FER: variants seen among roughly 807,000 people sequenced by gnomAD.
FER encodes FER tyrosine kinase.
A neutral mutation model predicts 111.0 loss-of-function variants in FER; 63 were observed. The observed-to-expected ratio is 0.57, with a 90% CI of 0.46 to 0.70. The LOEUF is 0.70. FER is among the 30% of genes least tolerant of loss of function. The pLI, the probability that FER is intolerant of heterozygous loss-of-function variation, is 0.00. For synonymous variants in FER, 327 were observed against 313.9 expected, an observed-to-expected ratio of 1.04 and a Z score of -0.44; for missense variants, 914 against 954.0, an observed-to-expected ratio of 0.96 and a Z score of 0.55.
chr5:108,769,629 A>G (rs1209392167), intron 2 of FER, among the ~76,000 whole-genome samples: 1 of 151,914 alleles, frequency 6.6e-6, no homozygotes, highest in Non-Finnish European at 1.5e-5. Flanking sequence ...TGAATTTGAG[A>G]TGCATTTTTG....
chr5:109,139,908 T>G lies in FER; in HGVS notation c.2048+39389T>G, dbSNP rs557376711. 2.0e-3 allele frequency among the ~76,000 whole-genome samples: 300 copies of G among 152,266 alleles called. 2 individuals carry two copies. Among genetic ancestry groups the G allele is most frequent in the African/African-American group, 6.5e-3 (272 of 41,556 alleles). ...TGGATTGCAATAAAAAAAAATAGAA[T>G]TAAACACAGTATACTGCTATCAATT... On this transcript the variant is annotated intron_variant, in intron 17 of 19. Coordinates refer to ENST00000281092, the MANE Select transcript of FER (RefSeq NM_005246.4).
At chr5:109,185,516 T>C (rs963018839) in intron 18 of FER, among the ~76,000 whole-genome samples, 1 of 152,216 alleles carries the variant, frequency 6.6e-6, no homozygotes, top group African/African-American at 2.4e-5. Flanking sequence ...GAATCCAACT[T>C]GGTTAATCTC....
chr5:109,162,312 T>C (rs942986169), intron 17 of FER, among the ~76,000 whole-genome samples: 3 of 152,170 alleles, frequency 2.0e-5, no homozygotes, highest in Non-Finnish European at 4.4e-5. Context: ...AAGACAGTCA[T>C]ATCATTATTT....
At position 108,855,185 on chromosome 5, in the gene FER, G is replaced by A. The variant is rs150271320; in HGVS notation, c.482-12582G>A. ...GTTCAGCAGTTCCAGGGAGAGGTCT[G>A]GAGTAGAACTATAAATATGAAATGT... On this transcript the variant is annotated intron_variant, in intron 5 of 19. Coordinates refer to ENST00000281092, the MANE Select transcript of FER (RefSeq NM_005246.4). Among the ~76,000 whole-genome samples, 1,159 of 152,168 alleles carry A rather than the reference G, an allele frequency of 7.6e-3. 16 individuals carry two copies. Among genetic ancestry groups the A allele is most frequent in the Middle Eastern group, 0.014 (4 of 294 alleles).
chr5:109,046,466 A>G (rs1019005583), intron 15 of FER, among the ~76,000 whole-genome samples: 1 of 152,182 alleles, frequency 6.6e-6, no homozygotes. Context: ...GGAGTTGTAC[A>G]TGTTTTAGAT....
chr5:108,947,489 A>C (rs937444272), intron 11 of FER, among the ~76,000 whole-genome samples: 1 of 152,032 alleles, frequency 6.6e-6, no homozygotes, highest in South Asian at 2.1e-4. Context: ...TTGGCAGCTT[A>C]TATGTGTTCT....
At chr5:108,901,848 G>A (rs1233279615) in intron 10 of FER, among the ~76,000 whole-genome samples, 1 of 152,156 alleles carries the variant, frequency 6.6e-6, no homozygotes, top group Non-Finnish European at 1.5e-5. Flanking sequence ...CCACTCAGGA[G>A]TTTGAGGTAA....
intron 17 of FER, among the ~76,000 whole-genome samples, chr5:109,145,913 G>A (rs146374425): frequency 0.012 from 1,805 of 150,584 alleles, 18 homozygotes; most frequent in Non-Finnish European, 0.02. Context: ...TTTATAAGCT[G>A]TATGTTATTA....
At chr5:108,992,625 G>C (rs1197908133) in intron 13 of FER, among the ~76,000 whole-genome samples, 14 of 147,770 alleles carry the variant, frequency 9.5e-5, no homozygotes, top group Non-Finnish European at 1.8e-4. Flanking sequence ...CTGGCCGGGC[G>C]GGGGGCTGAC....
chr5:109,001,982 C>G (rs1764837795), intron 13 of FER, among the ~76,000 whole-genome samples: 2 of 152,000 alleles, frequency 1.3e-5, no homozygotes, highest in African/African-American at 2.4e-5. Context: ...AGGATACAAA[C>G]AAATGGAAGA....
intron 18 of FER, among the ~76,000 whole-genome samples, chr5:109,181,445 T>C (rs1222066493): frequency 6.6e-6 from 1 of 152,036 alleles, no homozygotes; most frequent in African/African-American, 2.4e-5. Context: ...TAATTGGAAA[T>C]AAATATAACT....
rs1056474681 is a variant in FER at position 108,849,919 on chromosome 5, C to T, written c.481+14112C>T. 5.9e-5 allele frequency among the ~76,000 whole-genome samples: 9 copies of T among 152,170 alleles called. No individual in the cohort carries two copies. In the East Asian group the frequency reaches 1.5e-3, roughly 26 times the overall value. On this transcript the variant is annotated intron_variant, in intron 5 of 19. Transcript: ENST00000281092. ...AAAATCACATTATTAGGGCCAGGCG[C>T]GGTGGCTCACGCCTGTAATCCCAGC... is the stretch of plus-strand genomic sequence containing the variant.
At chr5:108,975,330 A>G (rs891143130) in intron 13 of FER, among the ~76,000 whole-genome samples, 2 of 152,182 alleles carry the variant, frequency 1.3e-5, no homozygotes, top group Middle Eastern at 3.2e-3. Flanking sequence ...TGATGGGTCA[A>G]TAGGTGCAGC....
chr5:109,003,383 G>T (rs188298079), intron 13 of FER, among the ~76,000 whole-genome samples: 2 of 152,026 alleles, frequency 1.3e-5, no homozygotes, highest in Non-Finnish European at 2.9e-5. Context: ...ACCAAACACC[G>T]CATGTTCTCA....
intron 3 of FER, among the ~76,000 whole-genome samples, chr5:108,800,696 A>G (rs535956173): frequency 6.6e-6 from 1 of 152,300 alleles, no homozygotes; most frequent in African/African-American, 2.4e-5. Flanking sequence ...TATTCTACCT[A>G]TAAGTAAAGT....
chr5:108,869,787 C>T (rs1027856503), intron 6 of FER, among the ~76,000 whole-genome samples: 6 of 152,084 alleles, frequency 3.9e-5, no homozygotes, highest in Non-Finnish European at 8.8e-5. Flanking sequence ...TGCTGCCTTC[C>T]AGACTCTGCT....
chr5:108,821,540 T>G (rs1758845584), intron 3 of FER, among the ~76,000 whole-genome samples: 1 of 152,166 alleles, frequency 6.6e-6, no homozygotes, highest in Non-Finnish European at 1.5e-5. Context: ...TAGTCTTGCC[T>G]TTTTCATGCT....
intron 10 of FER, among the ~76,000 whole-genome samples, chr5:108,925,668 A>T (rs1237884757): frequency 6.6e-6 from 1 of 152,058 alleles, no homozygotes; most frequent in Non-Finnish European, 1.5e-5. Flanking sequence ...AAAAAAGTTT[A>T]TGTATTTTCT....
intron 18 of FER, among the ~76,000 whole-genome samples, chr5:109,185,915 T>C (rs1758807334): frequency 1.3e-5 from 2 of 152,230 alleles, no homozygotes; most frequent in Admixed American, 1.3e-4. Flanking sequence ...ATATAGCATG[T>C]TACTGTATTG....
Sources: allele counts gnomAD v4.1 joint callset (sites outside exome capture counted in the v4.1 genomes callset), GRCh38; gene constraint gnomAD v4.1.1; transcripts MANE v1.5; gene names NCBI Gene and HGNC (gene_info 2026-07-23, HGNC 2026-07-21).